Variants in PPARGC1A observed in about 807,000 individuals in gnomAD.
PPARGC1A encodes the protein peroxisome proliferator-activated receptor gamma coactivator 1-alpha.
Under a neutral mutation model 88.7 loss-of-function variants are expected in PPARGC1A, and 25 were observed. The observed-to-expected ratio is 0.28, with a 90% CI of 0.21 to 0.39. The LOEUF is 0.39. Among genes scored for constraint, PPARGC1A ranks in the 10% least tolerant of loss-of-function variants. The pLI is 1.00. For synonymous variants in PPARGC1A, 363 were observed against 355.6 expected (o/e 1.02, Z -0.24); for missense variants, 880 against 968.7 (o/e 0.91, Z 1.22).
intron 9 of PPARGC1A, 73 bp from the exon 10 acceptor site, chr4:23,812,940 G>A: frequency 6.2e-7 from 1 of 1,612,270 alleles, no homozygotes; most frequent in Non-Finnish European, 8.5e-7. Context: ...AATATGGGGA[G>A]GGGTATAGGG....
the PPARGC1A span, among the ~76,000 whole-genome samples, chr4:24,449,290 A>G: frequency 6.6e-6 from 1 of 152,198 alleles, no homozygotes; most frequent in Non-Finnish European, 1.5e-5. Flanking sequence ...CCCTGCAGCC[A>G]TTAAACTCTT....
chr4:24,208,876 T>C, the PPARGC1A span, among the ~76,000 whole-genome samples: 5 of 152,224 alleles, frequency 3.3e-5, no homozygotes, highest in East Asian at 9.7e-4. Flanking sequence ...TGTTTTCTTC[T>C]TTATGCTTTA....
At chr4:24,361,490 T>C in the PPARGC1A span, among the ~76,000 whole-genome samples, 2 of 152,230 alleles carry the variant, frequency 1.3e-5, no homozygotes, top group African/African-American at 4.8e-5. Context: ...TCTATCCTTC[T>C]GTTTGACTCT....
At chr4:24,393,693 C>T in the PPARGC1A span, among the ~76,000 whole-genome samples, 6 of 152,224 alleles carry the variant, frequency 3.9e-5, no homozygotes, top group Non-Finnish European at 8.8e-5. Context: ...TGCCCCATTT[C>T]TGTCGTCAGT....
chr4:23,922,346 C>A, the PPARGC1A span, among the ~76,000 whole-genome samples: 1 of 152,184 alleles, frequency 6.6e-6, no homozygotes. Context: ...ACTTTCTTGC[C>A]AAAATATGCA....
the PPARGC1A span, among the ~76,000 whole-genome samples, chr4:24,307,016 A>G: frequency 1.3e-5 from 2 of 152,226 alleles, no homozygotes; most frequent in Admixed American, 6.5e-5. Flanking sequence ...GAATTTTACT[A>G]CTTTTTTGTC....
chr4:24,466,811 G>A, the PPARGC1A span, among the ~76,000 whole-genome samples: 1 of 141,910 alleles, frequency 7.0e-6, no homozygotes, highest in Non-Finnish European at 1.5e-5. Flanking sequence ...CTACTCAGGA[G>A]GCTGAGACAG....
the PPARGC1A span, among the ~76,000 whole-genome samples, chr4:24,315,022 T>TAAAA: frequency 6.8e-5 from 9 of 131,530 alleles, no homozygotes; most frequent in African/African-American, 2.6e-4. Flanking sequence ...ATACAGACCT[T>TAAAA]AAAAAAAAAA....
chr4:24,122,419 A>G, the PPARGC1A span, among the ~76,000 whole-genome samples: 1,946 of 92,316 alleles, frequency 0.021, 20 homozygotes, highest in African/African-American at 0.042. Context: ...GTGTGTGCAT[A>G]TATATATATA....
the PPARGC1A span, among the ~76,000 whole-genome samples, chr4:24,303,560 T>C: frequency 1.3e-5 from 2 of 152,228 alleles, no homozygotes; most frequent in South Asian, 2.1e-4. Context: ...ATAAATACTG[T>C]TAACTGTCAC....
rs377337310 is a variant in PPARGC1A, at chr4:23,805,902, C to T, written c.2020-3557G>A. ...GGAAATTTGAAGTTAAAGCGAAAAT[C>T]GACCATATGTATGCCCATATGCAGA... On this transcript the variant is annotated intron_variant, in intron 10 of 12. Transcript: ENST00000264867. Among the ~76,000 whole-genome samples, 52 of 152,242 alleles carry T rather than the reference C, an allele frequency of 3.4e-4. No individual in the cohort carries two copies. The South Asian group carries it at 1.0e-2, about 29-fold the overall frequency.
Position 23,889,941 on chromosome 4 carries a change from C to T in PPARGC1A, c.17G>A (p.Cys6Tyr), listed in dbSNP as rs1717575448. The T allele has an allele frequency of 6.2e-7, 1 of 1,613,932 alleles. No individual in the cohort carries two copies. The change falls in exon 1 of 13, where the codon TGC (cysteine) becomes TAC (tyrosine). Residue 6 changes from cysteine (C) to tyrosine (Y), a missense_variant. Cys to Tyr is a radical substitution (Grantham distance 194). Coordinates refer to ENST00000264867, the MANE Select transcript of PPARGC1A (RefSeq NM_013261.5). Reference protein sequence around the residue: MAWDMCNQDSESVWSD... With the variant: MAWDMYNQDSESVWSD... ...CCATACAGACTCAGAGTCCTGGTTG[C>T]ACATGTCCCACGCCATCCAGCTCCT...
the PPARGC1A span, among the ~76,000 whole-genome samples, chr4:24,132,264 G>T: frequency 2.6e-5 from 4 of 150,950 alleles, no homozygotes; most frequent in African/African-American, 9.8e-5. Flanking sequence ...TCCTCAATCT[G>T]CCAGAGTACC....
the PPARGC1A span, among the ~76,000 whole-genome samples, chr4:24,150,548 C>T: frequency 6.6e-6 from 1 of 152,140 alleles, no homozygotes; most frequent in Non-Finnish European, 1.5e-5. Flanking sequence ...ATATTACAAC[C>T]AAGAGGTCCT....
the PPARGC1A span, among the ~76,000 whole-genome samples, chr4:24,119,901 C>G: frequency 6.6e-6 from 1 of 152,134 alleles, no homozygotes; most frequent in Non-Finnish European, 1.5e-5. Flanking sequence ...GTCCTAGAAT[C>G]TTAAAAGCTT....
the PPARGC1A span, among the ~76,000 whole-genome samples, chr4:24,128,544 G>GTGTGTGTGTGTC: frequency 4.6e-4 from 65 of 140,484 alleles, 1 homozygote; most frequent in African/African-American, 1.9e-3. Context: ...GTGTGTGTGT[G>GTGTGTGTGTGTC]TGTGTGTGTG....
the PPARGC1A span, among the ~76,000 whole-genome samples, chr4:24,274,521 G>A: frequency 4.3e-3 from 657 of 152,240 alleles, 9 homozygotes; most frequent in African/African-American, 0.015. Flanking sequence ...GCATGGCTGC[G>A]TTCCAATAAA....
the PPARGC1A span, among the ~76,000 whole-genome samples, chr4:24,137,121 A>C: frequency 1.3e-5 from 2 of 151,906 alleles, no homozygotes; most frequent in Non-Finnish European, 2.9e-5. Context: ...CTCAAAAAAA[A>C]AAAAAAAAAA....
the PPARGC1A span, among the ~76,000 whole-genome samples, chr4:24,172,192 G>A: frequency 6.6e-6 from 1 of 152,242 alleles, no homozygotes; most frequent in African/African-American, 2.4e-5. Flanking sequence ...GTCACTGAAA[G>A]AGAAGCTGAA....
Sources: allele counts gnomAD v4.1 joint callset (sites outside exome capture counted in the v4.1 genomes callset), GRCh38; gene constraint gnomAD v4.1.1; transcripts MANE v1.5; gene names NCBI Gene and HGNC (gene_info 2026-07-23, HGNC 2026-07-21).